TPBG: variants seen among roughly 807,000 people sequenced by gnomAD.
TPBG encodes the protein trophoblast glycoprotein, also known as 5T4 oncofetal antigen.
Under a neutral mutation model 19.3 loss-of-function variants are expected in TPBG, and 13 were observed. The observed-to-expected ratio is 0.67, with a 90% CI of 0.44 to 1.07. The LOEUF is 1.07. Among genes scored for constraint, TPBG ranks in the 50% least tolerant of loss-of-function variants. TPBG has a pLI of 0.00. For missense variants in TPBG, 642 were observed against 559.6 expected (o/e 1.15, Z -1.49); for synonymous variants, 338 against 259.8 (o/e 1.30, Z -2.89).
At position 82,367,356 on chromosome 6, in the gene TPBG, TA is replaced by T. The variant is rs1767533459; in HGVS notation, c.*1133del. 6.0e-6 allele frequency: 1 copy of T among 166,796 alleles called. No individual in the cohort carries two copies. Among genetic ancestry groups the T allele is most frequent in the African/African-American group, 2.4e-5 (1 of 41,398 alleles). The allele number at this position is 166,796 out of a possible 1,614,324, so 10.3% of individuals were successfully genotyped here. On this transcript the variant is annotated 3_prime_UTR_variant, in exon 2 of 2. Coordinates refer to ENST00000369750, the MANE Select transcript of TPBG (RefSeq NM_001376922.1). ...TTGAAACAAATGTAATGCAAATAAA[TA>T]TAAAGATAAAGTGTCTTAAAGACAA...
chr6:82,365,468 C>T lies in TPBG; in HGVS notation c.507C>T (p.Val169=), dbSNP rs1767467160. Residue 169 remains valine (V), a synonymous_variant, in exon 2 of 2, where the codon GTC becomes GTT. Transcript: ENST00000369750. Reference sequence around the variant, plus strand: ...CTTTCTCGGGCAGCAATGCCAGCGTCTCGGCCCCCAGTCCCCTTGTGGAAC... The same window carrying T: ...CTTTCTCGGGCAGCAATGCCAGCGTTTCGGCCCCCAGTCCCCTTGTGGAAC... ...PFAFSGSNAS[V]SAPSPLVELI... is the part of the protein sequence containing the mutation. The T allele has an allele frequency of 6.2e-7, 1 of 1,609,928 alleles. No individual in the cohort carries two copies. Among genetic ancestry groups the T allele is most frequent in the South Asian group, 1.1e-5 (1 of 90,468 alleles).
rs1335555639 is a variant in TPBG, at chr6:82,365,535, A to G, written c.574A>G (p.Asn192Asp). The change falls in exon 2 of 2, where the codon AAC (asparagine) becomes GAC (aspartate). Residue 192 changes from asparagine (N) to aspartate (D), a missense_variant. By Grantham distance (23) the Asn-to-Asp change is conservative. Transcript: ENST00000369750. ...CGTGCCCCCTGAAGATGAGCGGCAG[A>G]ACCGGAGCTTCGAGGGCATGGTGGT... ...HIVPPEDERQ[N>D]RSFEGMVVAA... 6.3e-7 allele frequency: 1 copy of G among 1,576,274 alleles called. No individual in the cohort carries two copies. The highest frequency in any genetic ancestry group is 1.4e-5 in the African/African-American group (1 of 73,802).
At position 82,366,460 on chromosome 6, in the gene TPBG, A is replaced by T; in HGVS notation, c.*236A>T. ...CTCTTCTTTTTCTTGGAACTCCTCA[A>T]CACGTATGGAGGGATTTTTCAGGTT... On this transcript the variant is annotated 3_prime_UTR_variant, in exon 2 of 2. Transcript: ENST00000369750. 2.4e-6 allele frequency: 1 copy of T among 420,522 alleles called. No individual in the cohort carries two copies. Among genetic ancestry groups the T allele is most frequent in the Non-Finnish European group, 4.3e-6 (1 of 232,186 alleles). The allele number at this position is 420,522 out of a possible 1,614,324, so 26.0% of individuals were successfully genotyped here.
Position 82,365,674 on chromosome 6 carries a change from A to T in TPBG, c.713A>T (p.His238Leu). The change falls in exon 2 of 2, where the codon CAC becomes CTC. Residue 238 changes from histidine (H) to leucine (L), a missense_variant. Coordinates refer to ENST00000369750, the MANE Select transcript of TPBG (RefSeq NM_001376922.1). ...CTGGCCCAACTGCCCAGCCTCAGGC[A>T]CCTGGACTTAAGTAATAATTCGCTG... ...DVLAQLPSLRHLDLSNNSLVS... is the reference protein window; with the variant it reads ...DVLAQLPSLRLLDLSNNSLVS... 6.2e-7 allele frequency: 1 copy of T among 1,604,082 alleles called. No individual in the cohort carries two copies. Among genetic ancestry groups the T allele is most frequent in the Non-Finnish European group, 8.5e-7 (1 of 1,174,930 alleles).
chr6:82,364,182 C>G (rs756093395), intron 1 of TPBG: 5 of 152,386 alleles, frequency 3.3e-5, no homozygotes, highest in Admixed American at 3.3e-4. Flanking sequence ...AGTCCTGTAA[C>G]CTGAAACTTC....
rs1199365636 is a variant in TPBG at position 82,366,786 on chromosome 6, C to A, written c.*562C>A. ...TCTGCATATTACAAAAAATAACTTG[C>A]AACTTCATAACTTCTTTGACAAAGT... On this transcript the variant is annotated 3_prime_UTR_variant, in exon 2 of 2. Coordinates refer to ENST00000369750, the MANE Select transcript of TPBG (RefSeq NM_001376922.1). 6.0e-6 allele frequency: 1 copy of A among 166,812 alleles called. No homozygotes were observed. The highest frequency in any genetic ancestry group is 2.4e-5 in the African/African-American group (1 of 41,346). The allele number at this position is 166,812 out of a possible 1,614,324, so 10.3% of individuals were successfully genotyped here. A position where few individuals can be genotyped will look rare whatever the true frequency, so the allele number is the denominator to read the frequency against.
chr6:82,364,953 C>G lies in TPBG; in HGVS notation c.-9C>G. The G allele has an allele frequency of 1.4e-6, 2 of 1,470,286 alleles. No individual in the cohort carries two copies. Among genetic ancestry groups the G allele is most frequent in the South Asian group, 1.4e-5 (1 of 69,720 alleles). The allele number at this position is 1,470,286 out of a possible 1,614,324, so 91.1% of individuals were successfully genotyped here. On this transcript the variant is annotated 5_prime_UTR_variant, in exon 2 of 2. Transcript: ENST00000369750. Reference sequence around the variant, plus strand: ...GTCCCAGCCCAGCTCCGGGGAAACGCGAGCCGCGATGCCTGGGGGGTGCTC... The same window carrying G: ...GTCCCAGCCCAGCTCCGGGGAAACGGGAGCCGCGATGCCTGGGGGGTGCTC...
At chr6:82,363,467 C>T (rs947767606), upstream of TPBG, 4 of 152,234 alleles carry the variant, frequency 2.6e-5, no homozygotes, top group African/African-American at 9.6e-5. Flanking sequence ...CTAAATCTAT[C>T]TCGTCACTGC....
In TPBG at chr6:82,366,537, A is replaced by T; in HGVS notation, c.*313A>T. On this transcript the variant is annotated 3_prime_UTR_variant, in exon 2 of 2. Coordinates refer to ENST00000369750, the MANE Select transcript of TPBG (RefSeq NM_001376922.1). ...TCTGTCTCTCTCTCAGTACAGTTCA[A>T]GGTGTAGCAAGTGTACCCACACAGA... 1 of 245,282 alleles carries T rather than the reference A, an allele frequency of 4.1e-6. No homozygotes were observed. Among genetic ancestry groups the T allele is most frequent in the Admixed American group, 5.2e-5 (1 of 19,316 alleles). The allele number at this position is 245,282 out of a possible 1,614,324, so 15.2% of individuals were successfully genotyped here.
upstream of TPBG, chr6:82,363,729 A>G (rs4590314): frequency 0.7 from 106,095 of 152,244 alleles, 37,156 homozygotes; most frequent in African/African-American, 0.74. Context: ...CGCGTCGGGA[A>G]TCTCCCCGAC....
rs755990907 is a variant in TPBG, at chr6:82,365,432, C to T, written c.471C>T (p.Leu157=). The T allele has an allele frequency of 1.2e-6, 2 of 1,610,950 alleles. No homozygotes were observed. Among genetic ancestry groups the T allele is most frequent in the Non-Finnish European group, 1.7e-6 (2 of 1,178,916 alleles). Residue 157 remains leucine (L), a synonymous_variant, in exon 2 of 2, where the codon CTC becomes CTT. Transcript: ENST00000369750. ...TCAGCCACAACCCACTGGCCGACCT[C>T]AGTCCCTTCGCTTTCTCGGGCAGCA... ...LDLSHNPLAD[L]SPFAFSGSNA...
chr6:82,365,449 C>T lies in TPBG; in HGVS notation c.488C>T (p.Ser163Leu), dbSNP rs777404417. The change falls in exon 2 of 2, where the codon TCG becomes TTG. Residue 163 changes from serine (S) to leucine (L), a missense_variant. Ser to Leu is a moderately radical substitution (Grantham distance 145). Transcript: ENST00000369750. Reference protein sequence around the residue: ...PLADLSPFAFSGSNASVSAPS... With the variant: ...PLADLSPFAFLGSNASVSAPS... ...GCCGACCTCAGTCCCTTCGCTTTCTCGGGCAGCAATGCCAGCGTCTCGGCC... is the reference window on the plus strand; with the variant it reads ...GCCGACCTCAGTCCCTTCGCTTTCTTGGGCAGCAATGCCAGCGTCTCGGCC... The T allele has an allele frequency of 1.9e-6, 3 of 1,611,130 alleles. No homozygotes were observed. Among genetic ancestry groups the T allele is most frequent in the African/African-American group, 1.3e-5 (1 of 74,902 alleles).
In TPBG at chr6:82,364,930, C is replaced by T. The variant is rs752559915; in HGVS notation, c.-32C>T. ...CCCGAGCCTTCGGAGCGGGCGCCGT[C>T]CCAGCCCAGCTCCGGGGAAACGCGA... On this transcript the variant is annotated 5_prime_UTR_variant, in exon 2 of 2. Coordinates refer to ENST00000369750, the MANE Select transcript of TPBG (RefSeq NM_001376922.1). 41 of 1,416,862 alleles carry T rather than the reference C, an allele frequency of 2.9e-5. No individual in the cohort carries two copies. Among genetic ancestry groups the T allele is most frequent in the Admixed American group, 9.8e-5 (3 of 30,542 alleles). The allele number at this position is 1,416,862 out of a possible 1,614,324, so 87.8% of individuals were successfully genotyped here.
In TPBG at chr6:82,365,695, C is replaced by A. The variant is rs145977230; in HGVS notation, c.734C>A (p.Ser245Ter). Reference protein sequence around the residue: ...SLRHLDLSNNSLVSLTYVSFR... With the variant: ...SLRHLDLSNN ...AGGCACCTGGACTTAAGTAATAATTCGCTGGTGAGCCTGACCTACGTGTCC... is the reference window on the plus strand; with the variant it reads ...AGGCACCTGGACTTAAGTAATAATTAGCTGGTGAGCCTGACCTACGTGTCC... The change falls in exon 2 of 2, where the codon TCG (serine) becomes TAG (stop). Residue 245 changes from serine (S) to a stop codon, truncating the protein, a stop_gained. Coordinates refer to ENST00000369750, the MANE Select transcript of TPBG (RefSeq NM_001376922.1). LOFTEE classifies it high-confidence loss of function. 7.5e-6 allele frequency: 12 copies of A among 1,605,374 alleles called. No individual in the cohort carries two copies. Among genetic ancestry groups the A allele is most frequent in the Non-Finnish European group, 1.0e-5 (12 of 1,175,598 alleles).
At position 82,365,106 on chromosome 6, in the gene TPBG, G is replaced by T; in HGVS notation, c.145G>T (p.Ala49Ser). The change falls in exon 2 of 2, where the codon GCT becomes TCT. Residue 49 changes from alanine (A) to serine (S), a missense_variant. Transcript: ENST00000369750. ...CTTCTCCTCCTCGGCGCCGTTCCTGGCTTCCGCCGTGTCCGCCCAGCCCCC... is the reference window on the plus strand; with the variant it reads ...CTTCTCCTCCTCGGCGCCGTTCCTGTCTTCCGCCGTGTCCGCCCAGCCCCC... ...SSFSSSAPFL[A>S]SAVSAQPPLP... 6.3e-7 allele frequency: 1 copy of T among 1,586,284 alleles called. No individual in the cohort carries two copies. Among genetic ancestry groups the T allele is most frequent in the Non-Finnish European group, 8.6e-7 (1 of 1,166,544 alleles).
chr6:82,366,341 A>G lies in TPBG; in HGVS notation c.*117A>G. On this transcript the variant is annotated 3_prime_UTR_variant, in exon 2 of 2. Coordinates refer to ENST00000369750, the MANE Select transcript of TPBG (RefSeq NM_001376922.1). The stretch of plus-strand genomic sequence containing the variant: ...TATAGATACAACGGACTTTGACTAA[A>G]AGCAGTGAAGGGGATTTGCTTCCTT... 1.7e-6 allele frequency: 2 copies of G among 1,204,514 alleles called. No homozygotes were observed. Among genetic ancestry groups the G allele is most frequent in the Non-Finnish European group, 2.3e-6 (2 of 884,444 alleles). The allele number at this position is 1,204,514 out of a possible 1,614,324, so 74.6% of individuals were successfully genotyped here.
Position 82,365,085 on chromosome 6 carries a change from T to G in TPBG, c.124T>G (p.Ser42Ala). 1 of 1,566,470 alleles carries G rather than the reference T, an allele frequency of 6.4e-7. No homozygotes were observed. The highest frequency in any genetic ancestry group is 8.7e-7 in the Non-Finnish European group (1 of 1,155,804). The change falls in exon 2 of 2, where the codon TCC becomes GCC. Residue 42 changes from serine (S) to alanine (A), a missense_variant. By Grantham distance (99) the Ser-to-Ala change is moderately conservative. Coordinates refer to ENST00000369750, the MANE Select transcript of TPBG (RefSeq NM_001376922.1). ...TCCCACCTCCTCGGCATCCTCCTTC[T>G]CCTCCTCGGCGCCGTTCCTGGCTTC... ...SSPTSSASSF[S>A]SSAPFLASAV... is the part of the protein sequence containing the mutation.
rs1447836995 is a variant in TPBG at position 82,364,792 on chromosome 6, G to C, written c.-170G>C. The C allele has an allele frequency of 1.9e-5, 10 of 535,962 alleles. No individual in the cohort carries two copies. The Admixed American group carries it at 3.9e-4, about 21-fold the overall frequency. The allele number at this position is 535,962 out of a possible 1,614,324, so 33.2% of individuals were successfully genotyped here. On this transcript the variant is annotated 5_prime_UTR_variant, in exon 2 of 2. Transcript: ENST00000369750. ...AATCGGCCCCTGAGGGAAGCGCCCG[G>C]TGGCGAGGGGGTTAGCCAAGTTCCG... is the stretch of plus-strand genomic sequence containing the variant.
chr6:82,367,094 G>T lies in TPBG; in HGVS notation c.*870G>T, dbSNP rs1367944661. On this transcript the variant is annotated 3_prime_UTR_variant, in exon 2 of 2. Coordinates refer to ENST00000369750, the MANE Select transcript of TPBG (RefSeq NM_001376922.1). ...CGTTTTGAAATGGTGGATCCTTTTA[G>T]TATTTAAATGGAGAGTTTGAGTATT... 6.0e-6 allele frequency: 1 copy of T among 167,004 alleles called. No homozygotes were observed. Among genetic ancestry groups the T allele is most frequent in the Admixed American group, 6.5e-5 (1 of 15,280 alleles). 10.3% of individuals were successfully genotyped at this position (167,004 alleles called of 1,614,324 possible). A position where few individuals can be genotyped will look rare whatever the true frequency, so the allele number is the denominator to read the frequency against.
Sources: allele counts gnomAD v4.1 joint callset, GRCh38; gene constraint gnomAD v4.1.1; transcripts MANE v1.5; gene names NCBI Gene and HGNC (gene_info 2026-07-23, HGNC 2026-07-21).